The following KIAA0825 variants were observed in gnomAD, a reference collection of about 807,000 sequenced individuals.
KIAA0825 encodes the protein KIAA0825.
A neutral mutation model predicts 147.6 loss-of-function variants in KIAA0825; 119 were observed. The observed-to-expected ratio is 0.81, with a 90% CI of 0.69 to 0.94. The LOEUF (loss-of-function observed/expected upper bound fraction) is 0.94. KIAA0825 is among the 40% of genes least tolerant of loss of function. The probability of loss-of-function intolerance (pLI) is 0.00; values close to 1 mark genes in which losing one functional copy is unlikely to be tolerated. For synonymous variants in KIAA0825, 470 were observed against 518.1 expected, an observed-to-expected ratio of 0.91 and a Z score of 1.26; for missense variants, 1,381 against 1,472.7, an observed-to-expected ratio of 0.94 and a Z score of 1.02.
At chr5:94,359,291 G>A (rs1013977925) in intron 20 of KIAA0825, among the ~76,000 whole-genome samples, 7 of 152,138 alleles carry the variant, frequency 4.6e-5, no homozygotes, top group Non-Finnish European at 8.8e-5. Flanking sequence ...TTATTCTAAT[G>A]TTCAACTAAG....
intron 2 of KIAA0825, among the ~76,000 whole-genome samples, chr5:94,575,321 T>C (rs1780798309): frequency 6.7e-6 from 1 of 149,660 alleles, no homozygotes; most frequent in Non-Finnish European, 1.5e-5. Context: ...TTAGTAGATA[T>C]GAAGGTGATG....
intron 20 of KIAA0825, among the ~76,000 whole-genome samples, chr5:94,351,476 G>C (rs1783662409): frequency 6.6e-6 from 1 of 152,204 alleles, no homozygotes; most frequent in African/African-American, 2.4e-5. Flanking sequence ...CATGCTCATA[G>C]ATGGGTAGAA....
chr5:94,354,052 C>T (rs1295986112), intron 20 of KIAA0825, among the ~76,000 whole-genome samples: 4 of 152,088 alleles, frequency 2.6e-5, no homozygotes, highest in African/African-American at 7.2e-5. Flanking sequence ...TTCCCATTCC[C>T]TTTCTATTAA....
At chr5:94,235,596 C>A (rs767815483) in intron 20 of KIAA0825, among the ~76,000 whole-genome samples, 3 of 152,200 alleles carry the variant, frequency 2.0e-5, no homozygotes, top group Non-Finnish European at 4.4e-5. Context: ...GGTGGCTACA[C>A]TAAACAACAA....
At chr5:94,396,577 TG>T in intron 16 of KIAA0825, 68 bp from the exon 17 acceptor site, 1 of 1,224,524 alleles carries the variant, frequency 8.2e-7, no homozygotes, top group Non-Finnish European at 1.1e-6. Flanking sequence ...GGTTTTGTGT[TG>T]TATAAGGATG....
chr5:94,337,366 G>A (rs1781922692), intron 20 of KIAA0825, among the ~76,000 whole-genome samples: 2 of 151,978 alleles, frequency 1.3e-5, no homozygotes, highest in African/African-American at 4.8e-5. Context: ...CAGCTATTTG[G>A]TTTTATTCAA....
chr5:94,304,423 C>T (rs1778596338), intron 20 of KIAA0825, among the ~76,000 whole-genome samples: 1 of 151,960 alleles, frequency 6.6e-6, no homozygotes, highest in Non-Finnish European at 1.5e-5. Context: ...GGGGGGGTGA[C>T]CCGTATCAAC....
chr5:94,606,057 G>A (rs1674977766), intron 1 of KIAA0825, among the ~76,000 whole-genome samples: 1 of 152,128 alleles, frequency 6.6e-6, no homozygotes, highest in African/African-American at 2.4e-5. Flanking sequence ...AACAACTTCA[G>A]CAAAGTTTCA....
chr5:94,221,620 A>T (rs556765550), intron 20 of KIAA0825, among the ~76,000 whole-genome samples: 1 of 152,126 alleles, frequency 6.6e-6, no homozygotes, highest in Non-Finnish European at 1.5e-5. Context: ...GTCTCTGCTC[A>T]TTCTCCAGCC....
chr5:94,426,942 A>G (rs1193157831), intron 14 of KIAA0825, among the ~76,000 whole-genome samples: 1 of 152,192 alleles, frequency 6.6e-6, no homozygotes, highest in African/African-American at 2.4e-5. Context: ...GTGTCAGCCA[A>G]GAACCTTGTA....
In KIAA0825 at chr5:94,154,131, G is replaced by GA; in HGVS notation, c.3711-8dup. ...ATCCTTCTTCATTTCCCACCTAAAA[G>GA]AAAAATCACATCTTAGCATTTTTGT... On this transcript the variant is annotated splice_polypyrimidine_tract_variant and splice_region_variant and intron_variant, in intron 20 of 20. Transcript: ENST00000682413. 16 of 1,513,390 alleles carry GA rather than the reference G, an allele frequency of 1.1e-5. No homozygotes were observed. Among genetic ancestry groups the GA allele is most frequent in the Non-Finnish European group, 1.4e-5 (16 of 1,112,320 alleles). 93.7% of individuals were successfully genotyped at this position (1,513,390 alleles called of 1,614,324 possible). A position where few individuals can be genotyped will look rare whatever the true frequency, so the allele number is the denominator to read the frequency against.
intron 12 of KIAA0825, among the ~76,000 whole-genome samples, chr5:94,460,698 T>G (rs1759711156): frequency 6.6e-6 from 1 of 152,064 alleles, no homozygotes; most frequent in Admixed American, 6.6e-5. Context: ...AATAAGTCAG[T>G]AGAGTTCTTG....
chr5:94,479,584 G>A (rs1053773197), intron 6 of KIAA0825, among the ~76,000 whole-genome samples: 2 of 152,090 alleles, frequency 1.3e-5, no homozygotes, highest in Non-Finnish European at 2.9e-5. Flanking sequence ...TTGTACGGAT[G>A]TAAGTTTTCA....
chr5:94,285,865 C>T (rs1777647130), intron 20 of KIAA0825, among the ~76,000 whole-genome samples: 1 of 152,040 alleles, frequency 6.6e-6, no homozygotes, highest in Non-Finnish European at 1.5e-5. Flanking sequence ...CAGCCACGGC[C>T]AGGAAAAATA....
chr5:94,413,560 A>T (rs916409416), intron 15 of KIAA0825: 2 of 152,234 alleles, frequency 1.3e-5, no homozygotes, highest in Non-Finnish European at 2.9e-5. Context: ...TTCTATTTAT[A>T]TGAAATTCTA....
intron 16 of KIAA0825, among the ~76,000 whole-genome samples, chr5:94,400,505 T>C (rs1584381530): frequency 6.6e-6 from 1 of 152,294 alleles, no homozygotes; most frequent in East Asian, 1.9e-4. Flanking sequence ...TTTTCCTAAA[T>C]GCTGCTTGCT....
intron 20 of KIAA0825, among the ~76,000 whole-genome samples, chr5:94,276,905 C>T (rs1777247868): frequency 6.6e-6 from 1 of 152,046 alleles, no homozygotes; most frequent in Non-Finnish European, 1.5e-5. Flanking sequence ...TTCCTAAGCA[C>T]ACTTTTGGCC....
intron 2 of KIAA0825, among the ~76,000 whole-genome samples, chr5:94,558,628 T>C (rs2152283117): frequency 6.6e-6 from 1 of 152,320 alleles, no homozygotes; most frequent in South Asian, 2.1e-4. Flanking sequence ...AACACCAATA[T>C]TCACCACAGG....
chr5:94,342,643 C>T (rs965830497), intron 20 of KIAA0825, among the ~76,000 whole-genome samples: 3 of 152,054 alleles, frequency 2.0e-5, no homozygotes, highest in Admixed American at 2.0e-4. Flanking sequence ...AAAGTTTACC[C>T]TGATGTTTCA....
Sources: allele counts gnomAD v4.1 joint callset (sites outside exome capture counted in the v4.1 genomes callset), GRCh38; gene constraint gnomAD v4.1.1; transcripts MANE v1.5; gene names NCBI Gene and HGNC (gene_info 2026-07-23, HGNC 2026-07-21).